PHYHIPL: variants seen among roughly 807,000 people sequenced by gnomAD.
PHYHIPL encodes phytanoyl-CoA hydroxylase-interacting protein-like.
Under a neutral mutation model 33.4 loss-of-function variants are expected in PHYHIPL, and 9 were observed. The ratio of observed to expected loss-of-function variants is 0.27; its 90% CI spans 0.16 to 0.47. PHYHIPL has a LOEUF of 0.47. Ranked by LOEUF, PHYHIPL falls within the 20% of genes least tolerant of loss-of-function variation. The pLI is 0.99. For missense variants in PHYHIPL, 365 were observed against 460.7 expected, an observed-to-expected ratio of 0.79 and a Z score of 1.90; for synonymous variants, 153 against 154.1, an observed-to-expected ratio of 0.99 and a Z score of 0.05.
intron 4 of PHYHIPL, among the ~76,000 whole-genome samples, chr10:59,242,209 A>G (rs1311871783): frequency 6.6e-6 from 1 of 152,144 alleles, no homozygotes; most frequent in African/African-American, 2.4e-5. Context: ...TAGTGTGTGA[A>G]GCCACATGTC....
intron 1 of PHYHIPL, among the ~76,000 whole-genome samples, chr10:59,193,711 A>G (rs907817873): frequency 4.6e-5 from 7 of 152,028 alleles, no homozygotes; most frequent in African/African-American, 1.4e-4. Flanking sequence ...TTTTTGTATA[A>G]CATTTTCAAG....
At chr10:59,233,279 G>T (rs1423010608) in intron 1 of PHYHIPL, among the ~76,000 whole-genome samples, 1 of 151,810 alleles carries the variant, frequency 6.6e-6, no homozygotes, top group Non-Finnish European at 1.5e-5. Flanking sequence ...GGAAATGTAG[G>T]GGAGGAGAAA....
At chr10:59,192,642 G>A (rs1589263146) in intron 1 of PHYHIPL, among the ~76,000 whole-genome samples, 1 of 152,242 alleles carries the variant, frequency 6.6e-6, no homozygotes, top group South Asian at 2.1e-4. Context: ...TAGATAATAA[G>A]TAGGATTTTT....
In PHYHIPL at chr10:59,233,762, GT is replaced by G. The variant is rs1840145891; in HGVS notation, c.107-540del. Among the ~76,000 whole-genome samples the G allele has an allele frequency of 2.6e-5, 4 of 151,746 alleles. No homozygotes were observed. In the South Asian group the frequency reaches 8.3e-4, roughly 32 times the overall value. ...AGCTCTCAAAATTAAATTCATCAAG[GT>G]TCCACAGATAAAACATTTCTAGAGT... On this transcript the variant is annotated intron_variant, in intron 1 of 4. Transcript: ENST00000373880.
chr10:59,239,715 A>C (rs376922441), intron 4 of PHYHIPL, among the ~76,000 whole-genome samples: 93 of 152,148 alleles, frequency 6.1e-4, no homozygotes, highest in African/African-American at 2.1e-3. Flanking sequence ...GTAGAAGAAA[A>C]TTTGAAGAGA....
At chr10:59,174,554 A>G (rs73294042), upstream of PHYHIPL, among the ~76,000 whole-genome samples, 3,265 of 152,328 alleles carry the variant, frequency 0.021, 136 homozygotes, top group African/African-American at 0.075. Flanking sequence ...TATTTTTTAT[A>G]CAAGAATCCA....
At chr10:59,173,921 GTTTTTTTTTTTTTTTTTTTTTTT>G (rs368316005), upstream of PHYHIPL, among the ~76,000 whole-genome samples, 418 of 57,548 alleles carry the variant, frequency 7.3e-3, 2 homozygotes, top group Non-Finnish European at 0.011. Flanking sequence ...TACTTCTGAG[GTTTTTTTTTTTTTTTTTTTTTTT>G]TTTTTTTTTT....
At position 59,176,879 on chromosome 10, in the gene PHYHIPL, C is replaced by A; in HGVS notation, c.26C>A (p.Ala9Asp). MEVPRLDHALNSPTSPCEE... is the reference protein window; with the variant it reads MEVPRLDHDLNSPTSPCEE... ...ATGGAGGTGCCGCGCCTGGATCATG[C>A]CCTCAACAGCCCCACCAGCCCCTGT... The change falls in exon 1 of 5, where the codon GCC becomes GAC. Residue 9 changes from alanine (A) to aspartate (D), a missense_variant. Coordinates refer to ENST00000373880, the MANE Select transcript of PHYHIPL (RefSeq NM_032439.4). 3 of 1,613,376 alleles carry A rather than the reference C, an allele frequency of 1.9e-6. No homozygotes were observed. The highest frequency in any genetic ancestry group is 2.5e-6 in the Non-Finnish European group (3 of 1,179,722).
chr10:59,199,927 A>T (rs1412339911), intron 1 of PHYHIPL, among the ~76,000 whole-genome samples: 1 of 152,194 alleles, frequency 6.6e-6, no homozygotes, highest in Non-Finnish European at 1.5e-5. Context: ...GCTTTGCTGA[A>T]GTTGCTTATC....
At chr10:59,203,815 T>C (rs558614196) in intron 1 of PHYHIPL, among the ~76,000 whole-genome samples, 1 of 152,090 alleles carries the variant, frequency 6.6e-6, no homozygotes, top group Non-Finnish European at 1.5e-5. Flanking sequence ...ATACCTCATG[T>C]AAATGGTGAG....
chr10:59,214,622 C>T (rs936557380), intron 1 of PHYHIPL, among the ~76,000 whole-genome samples: 1 of 151,908 alleles, frequency 6.6e-6, no homozygotes, highest in Non-Finnish European at 1.5e-5. Flanking sequence ...GAGAACCAGT[C>T]ATGGGAGAAA....
At chr10:59,243,496 A>T (rs1467039677) in intron 4 of PHYHIPL, among the ~76,000 whole-genome samples, 1 of 152,124 alleles carries the variant, frequency 6.6e-6, no homozygotes, top group African/African-American at 2.4e-5. Context: ...GATATCACAC[A>T]TTTATTTATT....
intron 1 of PHYHIPL, among the ~76,000 whole-genome samples, chr10:59,209,053 A>G (rs1839368964): frequency 6.6e-6 from 1 of 152,108 alleles, no homozygotes; most frequent in Non-Finnish European, 1.5e-5. Context: ...GCAGGCCAAT[A>G]TTCAAATTCA....
intron 1 of PHYHIPL, among the ~76,000 whole-genome samples, chr10:59,186,351 C>G (rs895072892): frequency 1.3e-5 from 2 of 152,170 alleles, no homozygotes; most frequent in Non-Finnish European, 2.9e-5. Context: ...CAGTACCATG[C>G]TGTTTTGGTT....
At position 59,207,853 on chromosome 10, in the gene PHYHIPL, T is replaced by C. The variant is rs1460730155; in HGVS notation, c.107-26451T>C. Among the ~76,000 whole-genome samples the C allele has an allele frequency of 2.0e-5, 3 of 147,482 alleles. No homozygotes were observed. The Admixed American group carries it at 2.0e-4, about 10-fold the overall frequency. On this transcript the variant is annotated intron_variant, in intron 1 of 4. Transcript: ENST00000373880. ...CTTGCAGTGAGCCGAGATGCACCAC[T>C]GCACTCCAGCCTGGGTGAGAGAGCA...
At chr10:59,217,530 G>A (rs1420734665) in intron 1 of PHYHIPL, among the ~76,000 whole-genome samples, 2 of 151,754 alleles carry the variant, frequency 1.3e-5, no homozygotes, top group East Asian at 3.9e-4. Context: ...TACTTGAAAT[G>A]TTTTAGCTGC....
chr10:59,229,424 G>A (rs1840014622), intron 1 of PHYHIPL, among the ~76,000 whole-genome samples: 1 of 152,122 alleles, frequency 6.6e-6, no homozygotes, highest in African/African-American at 2.4e-5. Flanking sequence ...GTAATTAGTA[G>A]TGTTTGTTTA....
At chr10:59,242,069 A>C (rs921298766) in intron 4 of PHYHIPL, among the ~76,000 whole-genome samples, 1 of 152,142 alleles carries the variant, frequency 6.6e-6, no homozygotes, top group African/African-American at 2.4e-5. Flanking sequence ...AGGAACCTAG[A>C]CCTCTATCCT....
chr10:59,227,679 TA>T (rs1839962087), intron 1 of PHYHIPL, among the ~76,000 whole-genome samples: 1 of 152,070 alleles, frequency 6.6e-6, no homozygotes, highest in Non-Finnish European at 1.5e-5. Context: ...TTGAGACACA[TA>T]AGGAGAAATT....
Sources: allele counts gnomAD v4.1 joint callset (sites outside exome capture counted in the v4.1 genomes callset), GRCh38; gene constraint gnomAD v4.1.1; transcripts MANE v1.5; gene names NCBI Gene and HGNC (gene_info 2026-07-23, HGNC 2026-07-21).